SORCS3: variants seen among roughly 807,000 people sequenced by gnomAD.
The protein encoded by SORCS3 is VPS10 domain-containing receptor SorCS3.
SORCS3 carries 57 observed loss-of-function variants against 146.3 expected under a neutral mutation model. The observed-to-expected ratio is 0.39, with a 90% CI of 0.31 to 0.49. The LOEUF (loss-of-function observed/expected upper bound fraction) is 0.49. Among genes scored for constraint, SORCS3 ranks in the 20% least tolerant of loss-of-function variants. The pLI is 0.92. For missense variants in SORCS3, 1,341 were observed against 1,575.5 expected (o/e 0.85, Z 2.52); for synonymous variants, 653 against 618.5 (o/e 1.06, Z -0.83).
Position 104,765,493 on chromosome 10 carries a change from T to C in SORCS3, c.628-77299T>C, listed in dbSNP as rs2017168984. 2.6e-5 allele frequency among the ~76,000 whole-genome samples: 4 copies of C among 152,286 alleles called. No individual in the cohort carries two copies. In the South Asian group the frequency reaches 8.3e-4, roughly 32 times the overall value. On this transcript the variant is annotated intron_variant, in intron 1 of 26. Coordinates refer to ENST00000369701, the MANE Select transcript of SORCS3 (RefSeq NM_014978.3). The stretch of plus-strand genomic sequence containing the variant: ...AGGGTTGTTGAGAGATTAAGTGATG[T>C]ATAACGTACATGAAAACACCCAGTG...
At chr10:105,024,723 A>T (rs2055216310) in intron 4 of SORCS3, among the ~76,000 whole-genome samples, 1 of 152,196 alleles carries the variant, frequency 6.6e-6, no homozygotes, top group Admixed American at 6.5e-5. Flanking sequence ...TCCAAAATGG[A>T]GACAGCAAAG....
chr10:104,827,408 C>G (rs1046835865), intron 1 of SORCS3, among the ~76,000 whole-genome samples: 46 of 152,116 alleles, frequency 3.0e-4, no homozygotes, highest in African/African-American at 1.1e-3. Context: ...TTGTACATCT[C>G]CATCGTAGAT....
intron 7 of SORCS3, among the ~76,000 whole-genome samples, chr10:105,127,250 AG>A (rs2055982647): frequency 6.6e-6 from 1 of 152,074 alleles, no homozygotes; most frequent in Admixed American, 6.6e-5. Flanking sequence ...TGATTTTCGA[AG>A]GCATGGTGTT....
intron 2 of SORCS3, among the ~76,000 whole-genome samples, chr10:104,859,780 AAAG>A (rs2018379064): frequency 6.6e-6 from 1 of 152,200 alleles, no homozygotes; most frequent in African/African-American, 2.4e-5. Flanking sequence ...ACACTTCTCA[AAAG>A]AAGACGTTTA....
chr10:104,642,059 G>C (rs1474873815), intron 1 of SORCS3, 105 bp downstream of exon 1: 26 of 1,310,168 alleles, frequency 2.0e-5, no homozygotes, highest in Non-Finnish European at 2.6e-5. Flanking sequence ...GTCGAGGCGG[G>C]GGACGCCTCG....
At chr10:105,030,173 A>G (rs879744271) in intron 4 of SORCS3, among the ~76,000 whole-genome samples, 6 of 152,160 alleles carry the variant, frequency 3.9e-5, no homozygotes, top group Admixed American at 2.0e-4. Flanking sequence ...CTCCCCCAAA[A>G]CTTAATGATT....
At chr10:104,775,753 T>C (rs1271969020) in intron 1 of SORCS3, among the ~76,000 whole-genome samples, 2 of 152,200 alleles carry the variant, frequency 1.3e-5, no homozygotes, top group African/African-American at 4.8e-5. Flanking sequence ...TTTCTAGAGC[T>C]GGACTCACAC....
chr10:105,079,763 C>A (rs2055611150), intron 5 of SORCS3, among the ~76,000 whole-genome samples: 1 of 152,004 alleles, frequency 6.6e-6, no homozygotes, highest in Non-Finnish European at 1.5e-5. Flanking sequence ...TTGTTGTTCC[C>A]CTCTTTGTGT....
chr10:104,752,648 T>C (rs915862265), intron 1 of SORCS3, among the ~76,000 whole-genome samples: 2 of 152,202 alleles, frequency 1.3e-5, no homozygotes, highest in African/African-American at 2.4e-5. Context: ...TGTTGTTACA[T>C]CTGTGCAGTG....
rs35088475 is a variant in SORCS3, at chr10:104,696,202, A to G, written c.627+54248A>G. Reference sequence around the variant, plus strand: ...TATATCATATACACATATAATATATAATATATATCATATACACATATATAA... The same window carrying G: ...TATATCATATACACATATAATATATGATATATATCATATACACATATATAA... On this transcript the variant is annotated intron_variant, in intron 1 of 26. Transcript: ENST00000369701. Among the ~76,000 whole-genome samples the G allele has an allele frequency of 6.2e-5, 7 of 112,594 alleles. 1 individual carries two copies. Among genetic ancestry groups the G allele is most frequent in the South Asian group, 4.8e-4 (2 of 4,132 alleles). 73.9% of individuals were successfully genotyped at this position (112,594 alleles called of 152,430 possible).
chr10:105,062,060 A>C (rs1022031993), intron 5 of SORCS3, among the ~76,000 whole-genome samples: 6 of 152,218 alleles, frequency 3.9e-5, no homozygotes, highest in African/African-American at 1.4e-4. Flanking sequence ...TATTTATTTC[A>C]AATTCTTGTT....
intron 24 of SORCS3, among the ~76,000 whole-genome samples, chr10:105,256,262 G>A (rs2056930636): frequency 6.6e-6 from 1 of 152,090 alleles, no homozygotes. Flanking sequence ...AACTCTAGTT[G>A]GCTTATTTGT....
At chr10:104,829,746 A>G (rs1714361631) in intron 1 of SORCS3, among the ~76,000 whole-genome samples, 1 of 152,118 alleles carries the variant, frequency 6.6e-6, no homozygotes, top group South Asian at 2.1e-4. Flanking sequence ...AACTGTCAGC[A>G]GTATTTCACT....
intron 13 of SORCS3, among the ~76,000 whole-genome samples, chr10:105,171,086 C>T (rs2056355911): frequency 6.6e-6 from 1 of 152,168 alleles, no homozygotes; most frequent in Non-Finnish European, 1.5e-5. Context: ...AGATTACCCA[C>T]TGGGATGTAG....
chr10:104,971,008 A>T (rs2054857501), intron 3 of SORCS3, among the ~76,000 whole-genome samples: 1 of 152,222 alleles, frequency 6.6e-6, no homozygotes, highest in Non-Finnish European at 1.5e-5. Flanking sequence ...AGAGGAAATA[A>T]ATTCACTTGC....
Position 105,158,877 on chromosome 10 carries a change from C to G in SORCS3, c.1630-15C>G. 2 of 1,595,372 alleles carry G rather than the reference C, an allele frequency of 1.3e-6. No homozygotes were observed. Among genetic ancestry groups the G allele is most frequent in the South Asian group, 1.1e-5 (1 of 90,656 alleles). ...GGAATTTCCTAGAATGAAACTATTT[C>G]TTTCTCCATTTTAGCCCTTCTGTTC... is the stretch of plus-strand genomic sequence containing the variant. On this transcript the variant is annotated splice_polypyrimidine_tract_variant and intron_variant, in intron 10 of 26. Coordinates refer to ENST00000369701, the MANE Select transcript of SORCS3 (RefSeq NM_014978.3).
At chr10:104,724,503 C>T (rs1253184127) in intron 1 of SORCS3, among the ~76,000 whole-genome samples, 1 of 151,966 alleles carries the variant, frequency 6.6e-6, no homozygotes, top group Non-Finnish European at 1.5e-5. Context: ...TCTGTATTTC[C>T]TGAATCTGAA....
chr10:104,978,111 T>C (rs2054912097), intron 4 of SORCS3, among the ~76,000 whole-genome samples: 1 of 152,212 alleles, frequency 6.6e-6, no homozygotes, highest in Non-Finnish European at 1.5e-5. Flanking sequence ...ACATACATAA[T>C]ATTTTATAGT....
At chr10:105,050,036 TAC>T (rs35011679) in intron 5 of SORCS3, among the ~76,000 whole-genome samples, 23,671 of 149,000 alleles carry the variant, frequency 0.16, 3,728 homozygotes, top group African/African-American at 0.41. Flanking sequence ...TATATATACA[TAC>T]ACACACACAC....
Sources: allele counts gnomAD v4.1 joint callset (sites outside exome capture counted in the v4.1 genomes callset), GRCh38; gene constraint gnomAD v4.1.1; transcripts MANE v1.5; gene names NCBI Gene and HGNC (gene_info 2026-07-23, HGNC 2026-07-21).